The following CSMD1 variants were observed in gnomAD, a reference collection of about 807,000 sequenced individuals.
The protein encoded by CSMD1 is CUB and sushi domain-containing protein 1.
CSMD1 carries 213 observed loss-of-function variants against 417.5 expected under a neutral mutation model. That is an observed-to-expected ratio of 0.51 (90% confidence interval 0.46 to 0.57). The LOEUF (loss-of-function observed/expected upper bound fraction) is 0.57, where lower values mean the gene tolerates loss of function less well. Among genes scored for constraint, CSMD1 ranks in the 20% least tolerant of loss-of-function variants. CSMD1 has a pLI of 0.00. For missense variants in CSMD1, 6,923 were observed against 4,529.7 expected, an observed-to-expected ratio of 1.53 and a Z score of -15.17; for synonymous variants, 2,862 against 1,736.8, an observed-to-expected ratio of 1.65 and a Z score of -16.11.
intron 4 of CSMD1, among the ~76,000 whole-genome samples, chr8:4,022,631 G>A (rs1179201013): frequency 1.3e-5 from 2 of 152,288 alleles, no homozygotes; most frequent in East Asian, 3.9e-4. Context: ...AAACCATTCT[G>A]GAACCCTCTG....
intron 3 of CSMD1, among the ~76,000 whole-genome samples, chr8:4,092,068 C>G (rs549664599): frequency 6.6e-6 from 1 of 152,228 alleles, no homozygotes; most frequent in Admixed American, 6.5e-5. Flanking sequence ...ATTGCTAGCA[C>G]TACTTAGAAG....
chr8:4,540,473 G>A (rs989431761), intron 2 of CSMD1, among the ~76,000 whole-genome samples: 1 of 152,164 alleles, frequency 6.6e-6, no homozygotes, highest in East Asian at 1.9e-4. Flanking sequence ...GGAGGCTGAG[G>A]CAGGAGAATG....
chr8:4,050,900 C>T (rs1173760737), intron 3 of CSMD1, among the ~76,000 whole-genome samples: 1 of 152,044 alleles, frequency 6.6e-6, no homozygotes, highest in Admixed American at 6.6e-5. Context: ...AATAAGCCTA[C>T]CTTTACGTGA....
At chr8:3,355,902 G>C (rs1808748670) in intron 21 of CSMD1, among the ~76,000 whole-genome samples, 2 of 152,122 alleles carry the variant, frequency 1.3e-5, no homozygotes, top group Non-Finnish European at 2.9e-5. Context: ...GAGAGGGTTT[G>C]AGCATTGAGG....
At chr8:4,048,754 G>A (rs931543865) in intron 3 of CSMD1, among the ~76,000 whole-genome samples, 2 of 152,234 alleles carry the variant, frequency 1.3e-5, no homozygotes, top group Admixed American at 6.5e-5. Context: ...TATATAAAAT[G>A]CAAAGCTGTG....
chr8:4,147,269 C>G (rs972188181), intron 3 of CSMD1, among the ~76,000 whole-genome samples: 2 of 152,164 alleles, frequency 1.3e-5, no homozygotes, highest in African/African-American at 2.4e-5. Context: ...GGCTCCTCCT[C>G]ACCTGCGTAA....
At chr8:4,863,712 G>C (rs762539065) in intron 1 of CSMD1, among the ~76,000 whole-genome samples, 1 of 151,878 alleles carries the variant, frequency 6.6e-6, no homozygotes, top group Non-Finnish European at 1.5e-5. Context: ...AACAATAAAA[G>C]ACTTATCCTT....
chr8:4,367,989 G>C (rs189533122), intron 3 of CSMD1, among the ~76,000 whole-genome samples: 2 of 151,938 alleles, frequency 1.3e-5, no homozygotes, highest in African/African-American at 2.4e-5. Context: ...GAGTTACATT[G>C]TCAGTGAAGT....
At chr8:4,574,144 T>G (rs940445409) in intron 2 of CSMD1, among the ~76,000 whole-genome samples, 1 of 148,808 alleles carries the variant, frequency 6.7e-6, no homozygotes, top group Non-Finnish European at 1.5e-5. Flanking sequence ...TTCTGTCTCG[T>G]TGGGGTTCCA....
chr8:3,647,058 G>A (rs899084573), intron 7 of CSMD1, among the ~76,000 whole-genome samples: 1 of 152,154 alleles, frequency 6.6e-6, no homozygotes, highest in African/African-American at 2.4e-5. Context: ...TGTCAGCTCA[G>A]GTTTTCTTTT....
intron 10 of CSMD1, among the ~76,000 whole-genome samples, chr8:3,545,708 G>A (rs1450971354): frequency 2.6e-5 from 4 of 152,188 alleles, no homozygotes; most frequent in African/African-American, 4.8e-5. Context: ...GCGAATCACA[G>A]CCATTTGACA....
intron 4 of CSMD1, among the ~76,000 whole-genome samples, chr8:4,013,211 T>A (rs964816861): frequency 1.3e-5 from 2 of 152,080 alleles, no homozygotes; most frequent in Admixed American, 6.6e-5. Flanking sequence ...TCCTCTGGGA[T>A]CCTCCGGGAC....
intron 15 of CSMD1, 102 bp from the exon 16 acceptor site, chr8:3,399,631 T>C (rs1339849231): frequency 2.3e-6 from 2 of 868,096 alleles, no homozygotes; most frequent in African/African-American, 3.5e-5. Context: ...GTTCATAGAC[T>C]GAATATTTTC....
chr8:2,998,265 C>G, intron 53 of CSMD1, 81 bp from the exon 54 acceptor site: 1 of 1,424,166 alleles, frequency 7.0e-7, no homozygotes, highest in East Asian at 2.3e-5. Flanking sequence ...AAGAAACATG[C>G]AGGCATGCTA....
chr8:3,520,826 C>T (rs1328962167), intron 10 of CSMD1, among the ~76,000 whole-genome samples: 2 of 152,118 alleles, frequency 1.3e-5, no homozygotes, highest in Non-Finnish European at 2.9e-5. Flanking sequence ...GAAACATCAA[C>T]ACCTCAAATA....
chr8:3,477,519 C>G (rs917880004), intron 11 of CSMD1, among the ~76,000 whole-genome samples: 1 of 152,150 alleles, frequency 6.6e-6, no homozygotes, highest in Non-Finnish European at 1.5e-5. Flanking sequence ...AGACAAGGTA[C>G]TATCTTTTCA....
chr8:3,255,499 G>C (rs1382408908), intron 26 of CSMD1, among the ~76,000 whole-genome samples: 1 of 152,222 alleles, frequency 6.6e-6, no homozygotes, highest in Non-Finnish European at 1.5e-5. Context: ...GCCTCCTTGA[G>C]CTGTGGTGGG....
chr8:3,896,028 A>G (rs1393284030), intron 5 of CSMD1, among the ~76,000 whole-genome samples: 3 of 152,346 alleles, frequency 2.0e-5, no homozygotes, highest in Admixed American at 2.0e-4. Flanking sequence ...CAGAAAAAGA[A>G]AGGAAGAAAT....
intron 5 of CSMD1, among the ~76,000 whole-genome samples, chr8:3,879,251 G>C (rs1806046889): frequency 6.6e-6 from 1 of 152,108 alleles, no homozygotes; most frequent in South Asian, 2.1e-4. Flanking sequence ...ATATAGGATT[G>C]TATATTACAT....
Sources: gnomAD v4.1 joint callset for allele counts (sites outside exome capture counted in the v4.1 genomes callset) on GRCh38, gnomAD v4.1.1 for gene constraint, MANE v1.5 for transcripts, NCBI Gene and HGNC (gene_info 2026-07-23, HGNC 2026-07-21) for gene names.